Variants in TOP2B observed in about 807,000 individuals in gnomAD.
TOP2B encodes the protein DNA topoisomerase 2-beta.
Under a neutral mutation model 193.5 loss-of-function variants are expected in TOP2B, and 51 were observed. The ratio of observed to expected loss-of-function variants is 0.26; its 90% confidence interval spans 0.21 to 0.33. The LOEUF (loss-of-function observed/expected upper bound fraction) is 0.33. Among genes scored for constraint, TOP2B ranks in the 10% least tolerant of loss-of-function variants. TOP2B has a pLI of 1.00. For missense variants in TOP2B, 1,378 were observed against 1,909.3 expected (o/e 0.72, Z 5.19); for synonymous variants, 634 against 635.7 (o/e 1.00, Z 0.04).
chr3:25,655,535 A>G (rs1703718730), intron 1 of TOP2B, among the ~76,000 whole-genome samples: 1 of 152,230 alleles, frequency 6.6e-6, no homozygotes, highest in Admixed American at 6.5e-5. Flanking sequence ...TTTTGGGTAT[A>G]TATCCAAAAG....
At chr3:25,617,259 C>T (rs1559495982) in intron 25 of TOP2B, among the ~76,000 whole-genome samples, 1 of 151,928 alleles carries the variant, frequency 6.6e-6, no homozygotes, top group Admixed American at 6.6e-5. Flanking sequence ...AACGGTGATA[C>T]AGAAAGGCAA....
In TOP2B at chr3:25,632,432, C is replaced by A; in HGVS notation, c.1266+14G>T. ...CTTAATAACAACAATAAAAAAAATACAAGTTTTACTCACTGCTTTAAAAAA... is the reference window on the plus strand; with the variant it reads ...CTTAATAACAACAATAAAAAAAATAAAAGTTTTACTCACTGCTTTAAAAAA... On this transcript the variant is annotated intron_variant, in intron 10 of 35. Transcript: ENST00000264331. The A allele has an allele frequency of 4.6e-6, 7 of 1,531,978 alleles. No homozygotes were observed. Among genetic ancestry groups the A allele is most frequent in the Non-Finnish European group, 6.1e-6 (7 of 1,142,428 alleles). 94.9% of individuals were successfully genotyped at this position (1,531,978 alleles called of 1,614,324 possible).
At chr3:25,603,772 C>G (rs6774124) in intron 33 of TOP2B, among the ~76,000 whole-genome samples, 54,973 of 152,068 alleles carry the variant, frequency 0.36, 10,595 homozygotes, top group African/African-American at 0.5. Context: ...ATTTTTGAGT[C>G]CCAGTGTGAA....
chr3:25,637,090 A>G (rs1703125368), intron 6 of TOP2B, 125 bp downstream of exon 6: 1 of 698,562 alleles, frequency 1.4e-6, no homozygotes. Context: ...TTTGACTTGG[A>G]TAATGCTTTG....
At chr3:25,646,893 T>C (rs932571426) in intron 1 of TOP2B, among the ~76,000 whole-genome samples, 8 of 152,188 alleles carry the variant, frequency 5.3e-5, no homozygotes, top group Admixed American at 1.3e-4. Context: ...AAGTTTTATA[T>C]ACAATTAAAG....
intron 21 of TOP2B, among the ~76,000 whole-genome samples, chr3:25,622,806 A>G (rs1185128165): frequency 6.6e-6 from 1 of 152,038 alleles, no homozygotes; most frequent in Non-Finnish European, 1.5e-5. Flanking sequence ...ACACCCGGCT[A>G]ATTTTTGTAT....
Position 25,604,885 on chromosome 3 carries a change from G to C in TOP2B, c.4379-15C>G. ...TTTAGCTGAATCTAAAAATTGCAAA[G>C]CCTTCTTTTAGTAAAGAGATGTTAT... On this transcript the variant is annotated splice_polypyrimidine_tract_variant and intron_variant, in intron 32 of 35. Coordinates refer to ENST00000264331, the MANE Select transcript of TOP2B (RefSeq NM_001330700.2). 6.3e-7 allele frequency: 1 copy of C among 1,584,988 alleles called. No homozygotes were observed.
At chr3:25,657,302 T>A (rs933152561) in intron 1 of TOP2B, among the ~76,000 whole-genome samples, 3 of 152,204 alleles carry the variant, frequency 2.0e-5, no homozygotes, top group Non-Finnish European at 4.4e-5. Context: ...ACCCAGTTAA[T>A]ATGATGATCC....
chr3:25,604,110 G>T (rs1021387632), intron 33 of TOP2B, among the ~76,000 whole-genome samples: 1 of 152,182 alleles, frequency 6.6e-6, no homozygotes, highest in Non-Finnish European at 1.5e-5. Flanking sequence ...TGTCTGTAAT[G>T]ATGTTGTCTG....
intron 10 of TOP2B, among the ~76,000 whole-genome samples, chr3:25,632,030 T>C (rs913066102): frequency 2.6e-5 from 4 of 152,022 alleles, no homozygotes; most frequent in Non-Finnish European, 5.9e-5. Flanking sequence ...AGCAAAGCAA[T>C]TTAAGAACAT....
intron 29 of TOP2B, 24 bp from the exon 30 acceptor site, chr3:25,609,368 G>C: frequency 6.4e-7 from 1 of 1,553,516 alleles, no homozygotes; most frequent in Non-Finnish European, 8.7e-7. Flanking sequence ...ATAGCAATAA[G>C]GTATGTATCC....
chr3:25,616,972 A>G (rs573783079), intron 25 of TOP2B, among the ~76,000 whole-genome samples: 2 of 152,190 alleles, frequency 1.3e-5, no homozygotes, highest in Admixed American at 1.3e-4. Context: ...GCTACTTTAT[A>G]ATTCTCTTTT....
intron 1 of TOP2B, among the ~76,000 whole-genome samples, chr3:25,650,743 G>A (rs1703563187): frequency 6.6e-6 from 1 of 152,118 alleles, no homozygotes; most frequent in Admixed American, 6.5e-5. Context: ...TTGATGTAAT[G>A]GTCTGCTGCT....
At position 25,630,420 on chromosome 3, in the gene TOP2B, A is replaced by C. The variant is rs866472575; in HGVS notation, c.1455T>G (p.Ser485=). The C allele has an allele frequency of 5.8e-6, 9 of 1,553,044 alleles. No individual in the cohort carries two copies. The highest frequency in any genetic ancestry group is 3.3e-4 in the Middle Eastern group (2 of 5,990). Residue 485 remains serine, a synonymous_variant, in exon 12 of 36, where the codon TCT becomes TCG. Coordinates refer to ENST00000264331, the MANE Select transcript of TOP2B (RefSeq NM_001330700.2). The stretch of plus-strand genomic sequence containing the variant: ...ATCCAGACACAGCCAGTGATTTGGC[A>C]GAGTCTCCCTCTGTTAATATCAGTG... ...ECTLILTEGD[S]AKSLAVSGLG...
chr3:25,615,060 A>G (rs1424278937), intron 27 of TOP2B, 145 bp downstream of exon 27: 5 of 531,722 alleles, frequency 9.4e-6, no homozygotes, highest in Middle Eastern at 5.2e-4. Flanking sequence ...ATAACTTCAC[A>G]TAACTAGAAG....
chr3:25,602,597 G>C (rs1432745183), intron 33 of TOP2B, among the ~76,000 whole-genome samples: 1 of 151,940 alleles, frequency 6.6e-6, no homozygotes, highest in African/African-American at 2.4e-5. Context: ...AGAGCAGGAG[G>C]AGCCCTAGGA....
intron 4 of TOP2B, among the ~76,000 whole-genome samples, chr3:25,640,586 T>C (rs532566376): frequency 6.6e-6 from 1 of 152,170 alleles, no homozygotes; most frequent in African/African-American, 2.4e-5. Flanking sequence ...ACAAAAATGT[T>C]TGCTGATTAA....
chr3:25,664,847 A>G lies in TOP2B; in HGVS notation c.-550T>C. 1.0e-6 allele frequency: 1 copy of G among 990,148 alleles called. No homozygotes were observed. The highest frequency in any genetic ancestry group is 1.2e-6 in the Non-Finnish European group (1 of 832,798). The allele number at this position is 990,148 out of a possible 1,614,324, so 61.3% of individuals were successfully genotyped here. On this transcript the variant is annotated 5_prime_UTR_variant, in exon 1 of 36. Coordinates refer to ENST00000264331, the MANE Select transcript of TOP2B (RefSeq NM_001330700.2). The stretch of plus-strand genomic sequence containing the variant: ...ACACACACCGAGAGGGACAATAAAC[A>G]GAGCCGCCGCCGCCGCCGCCACGGT...
chr3:25,631,733 G>C (rs916247485), intron 10 of TOP2B, among the ~76,000 whole-genome samples: 4 of 151,968 alleles, frequency 2.6e-5, no homozygotes, highest in African/African-American at 9.7e-5. Context: ...ACAGAAATTT[G>C]GGAAAGCATT....
Sources: allele counts gnomAD v4.1 joint callset (sites outside exome capture counted in the v4.1 genomes callset), GRCh38; gene constraint gnomAD v4.1.1; transcripts MANE v1.5; gene names NCBI Gene and HGNC (gene_info 2026-07-23, HGNC 2026-07-21).